The following LRRC57 variants were observed in gnomAD, a reference collection of about 807,000 sequenced individuals.
LRRC57 encodes the protein leucine rich repeat containing 57, also known as leucine-rich repeat-containing protein 57.
Under a neutral mutation model 23.1 loss-of-function variants are expected in LRRC57, and 14 were observed. That is an observed-to-expected ratio of 0.61 (90% confidence interval 0.40 to 0.95). The LOEUF (loss-of-function observed/expected upper bound fraction) is 0.95. Among genes scored for constraint, LRRC57 ranks in the 40% least tolerant of loss-of-function variants. The pLI is 0.00. For synonymous variants in LRRC57, 106 were observed against 115.2 expected (o/e 0.92, Z 0.51); for missense variants, 236 against 284.4 (o/e 0.83, Z 1.22).
chr15:42,534,000 G>A (rs2057586855), downstream of LRRC57, among the ~76,000 whole-genome samples: 1 of 152,184 alleles, frequency 6.6e-6, no homozygotes, highest in African/African-American at 2.4e-5. Flanking sequence ...CAAGGCAGAT[G>A]GATCACTTGA....
chr15:42,541,303 A>G lies in LRRC57; in HGVS notation c.*2780T>C, dbSNP rs2057628112. The G allele has an allele frequency of 6.6e-6, 1 of 152,302 alleles. No homozygotes were observed. The highest frequency in any genetic ancestry group is 1.9e-4 in the East Asian group (1 of 5,186). The allele number at this position is 152,302 out of a possible 1,614,324, so 9.4% of individuals were successfully genotyped here. On this transcript the variant is annotated 3_prime_UTR_variant, in exon 6 of 6. Transcript: ENST00000397130. The stretch of plus-strand genomic sequence containing the variant: ...TGGATCACCTGAAGCCAGGAGTTCA[A>G]GACCAGTCTGGCCAACACGGTGAAA...
chr15:42,533,111 G>C (rs895601732), downstream of LRRC57: 1 of 152,310 alleles, frequency 6.6e-6, no homozygotes, highest in African/African-American at 2.4e-5. Context: ...TGTTATTTGG[G>C]GGAAAATAGT....
rs1406096757 is a variant in LRRC57, at chr15:42,541,082, G to C, written c.*3001C>G. On this transcript the variant is annotated 3_prime_UTR_variant, in exon 6 of 6. Coordinates refer to ENST00000397130, the MANE Select transcript of LRRC57 (RefSeq NM_153260.3). ...TCTGATTTATTAGATGAGAAGTACT[G>C]ATAAAACACAGAAATGTTAATTGTT... The C allele has an allele frequency of 6.6e-6, 1 of 151,824 alleles. No homozygotes were observed. The highest frequency in any genetic ancestry group is 1.5e-5 in the Non-Finnish European group (1 of 67,970). 9.4% of individuals were successfully genotyped at this position (151,824 alleles called of 1,614,324 possible). A position where few individuals can be genotyped will look rare whatever the true frequency, so the allele number is the denominator to read the frequency against.
intron 4 of LRRC57, among the ~76,000 whole-genome samples, chr15:42,546,133 C>G (rs1222884717): frequency 6.6e-6 from 1 of 152,174 alleles, no homozygotes; most frequent in African/African-American, 2.4e-5. Flanking sequence ...TTATTTGATT[C>G]TGCCCAGTAT....
At chr15:42,534,734 C>T (rs1441985316), downstream of LRRC57, among the ~76,000 whole-genome samples, 1 of 152,194 alleles carries the variant, frequency 6.6e-6, no homozygotes, top group Non-Finnish European at 1.5e-5. Context: ...TAATCTTGTA[C>T]ATCTTCATCA....
chr15:42,544,102 G>GCAAACA lies in LRRC57; in HGVS notation c.700_701insTGTTTG (p.Thr234delinsMetPheAla). On this transcript the variant is annotated protein_altering_variant, in exon 6 of 6. Transcript: ENST00000397130. ...AGAACTTCACGCAAACTTCTTCTTG[G>GCAAACA]TGGCTGTGAACCTCTCCATGTACTA... 1 of 1,613,084 alleles carries GCAAACA rather than the reference G, an allele frequency of 6.2e-7. No individual in the cohort carries two copies. Among genetic ancestry groups the GCAAACA allele is most frequent in the Non-Finnish European group, 8.5e-7 (1 of 1,179,380 alleles).
intron 4 of LRRC57, among the ~76,000 whole-genome samples, chr15:42,546,289 T>G (rs909130653): frequency 1.3e-5 from 2 of 152,196 alleles, no homozygotes; most frequent in African/African-American, 4.8e-5. Context: ...CAAGCTTTTC[T>G]GGTTAATTCT....
intron 2 of LRRC57, 21 bp from the exon 3 acceptor site, chr15:42,548,265 C>T (rs755734300): frequency 1.9e-6 from 3 of 1,614,068 alleles, no homozygotes; most frequent in Admixed American, 1.7e-5. Flanking sequence ...GAGTTCACAG[C>T]GTGGGGAATC....
downstream of LRRC57, among the ~76,000 whole-genome samples, chr15:42,534,383 C>T (rs2057589610): frequency 6.6e-6 from 1 of 152,142 alleles, no homozygotes; most frequent in African/African-American, 2.4e-5. Flanking sequence ...CCCGCCTCTG[C>T]CTCCGAAAGT....
intron 1 of LRRC57, 61 bp from the exon 2 acceptor site, chr15:42,548,517 CTCCT>C: frequency 6.5e-6 from 9 of 1,384,672 alleles, no homozygotes; most frequent in Non-Finnish European, 7.9e-6. Context: ...CCGGCTGGGG[CTCCT>C]GCCCCAGCTC....
At chr15:42,537,136 T>C (rs935974739), downstream of LRRC57, among the ~76,000 whole-genome samples, 1 of 151,992 alleles carries the variant, frequency 6.6e-6, no homozygotes, top group African/African-American at 2.4e-5. Flanking sequence ...CCCAGCTACT[T>C]GGGAGGCTGA....
chr15:42,532,448 T>C, the LRRC57 span: 1 of 152,246 alleles, frequency 6.6e-6, no homozygotes, highest in South Asian at 2.1e-4. Flanking sequence ...CATAAATCTG[T>C]GATCCCATTT....
downstream of LRRC57, among the ~76,000 whole-genome samples, chr15:42,535,657 G>A (rs1366994758): frequency 2.6e-5 from 4 of 152,010 alleles, no homozygotes; most frequent in Non-Finnish European, 5.9e-5. Context: ...CAGGTGATCC[G>A]CCCACCTCGG....
chr15:42,528,423 A>ATGCCAACTC, the LRRC57 span: 1 of 1,614,058 alleles, frequency 6.2e-7, no homozygotes, highest in Non-Finnish European at 8.5e-7. Context: ...ATTAAACGGT[A>ATGCCAACTC]TGCCAACTCC....
intron 1 of LRRC57, 34 bp from the exon 2 acceptor site, chr15:42,548,490 T>A (rs2057677922): frequency 6.4e-7 from 1 of 1,571,342 alleles, no homozygotes; most frequent in South Asian, 1.1e-5. Context: ...CACCGCCCAG[T>A]CCACCCGGTC....
At position 42,547,526 on chromosome 15, in the gene LRRC57, A is replaced by G. The variant is rs1201291481; in HGVS notation, c.227T>C (p.Val76Ala). ...CAGATTGCATATCTCATCAGGCAGA[A>G]CAGCTGGCAAAGAAAAATTTTTTTA... ...SLSLNNNKLT[V>A]LPDEICNLKK... is the part of the protein sequence containing the mutation. The change falls in exon 4 of 6, where the codon GTT becomes GCT. Residue 76 changes from valine to alanine, a missense_variant. Val to Ala is a moderately conservative substitution (Grantham distance 64). Transcript: ENST00000397130. The G allele has an allele frequency of 6.9e-6, 11 of 1,594,364 alleles. No homozygotes were observed. The South Asian group carries it at 1.2e-4, about 18-fold the overall frequency.
chr15:42,546,396 G>GA (rs2057658294), intron 4 of LRRC57, among the ~76,000 whole-genome samples: 1 of 149,860 alleles, frequency 6.7e-6, no homozygotes, highest in Non-Finnish European at 1.5e-5. Flanking sequence ...AATTGATTCA[G>GA]TTTTTTTTTT....
At chr15:42,528,527 T>A in the LRRC57 span, 2 of 1,092,170 alleles carry the variant, frequency 1.8e-6, no homozygotes, top group Non-Finnish European at 2.6e-6. Flanking sequence ...AAAATTGTAT[T>A]TATTCCATTT....
downstream of LRRC57, among the ~76,000 whole-genome samples, chr15:42,537,254 C>CACACACACACAT (rs796745969): frequency 9.8e-4 from 148 of 151,464 alleles, no homozygotes; most frequent in African/African-American, 3.3e-3. Context: ...CACACACACA[C>CACACACACACAT]ACACACACAC....
Sources: gnomAD v4.1 joint callset for allele counts (sites outside exome capture counted in the v4.1 genomes callset) on GRCh38, gnomAD v4.1.1 for gene constraint, MANE v1.5 for transcripts, NCBI Gene and HGNC (gene_info 2026-07-23, HGNC 2026-07-21) for gene names.